The following USH2A variants were observed in gnomAD, a reference collection of about 807,000 sequenced individuals.
USH2A encodes Usher syndrome 2A (autosomal recessive, mild).
In USH2A, 443 loss-of-function variants were observed where a neutral mutation model predicts 538.9. The ratio of observed to expected loss-of-function variants is 0.82; its 90% CI spans 0.76 to 0.89. The LOEUF is 0.89. Among genes scored for constraint, USH2A ranks in the 40% least tolerant of loss-of-function variants. The pLI is 0.00. For synonymous variants in USH2A, 2,413 were observed against 2,273.5 expected, an observed-to-expected ratio of 1.06 and a Z score of -1.75; for missense variants, 6,633 against 6,324.8, an observed-to-expected ratio of 1.05 and a Z score of -1.65.
rs542578587 is a variant in USH2A, at chr1:215,935,156, G to GT, written c.7121-362dup. ...ATGAGTTGTTTATACTTTTTTGAGG[G>GT]TTTTTTTTCCAATAAAAATCCCTGA... On this transcript the variant is annotated intron_variant, in intron 37 of 71. Transcript: ENST00000307340. Among the ~76,000 whole-genome samples the GT allele has an allele frequency of 7.4e-4, 112 of 151,656 alleles. 4 individuals carry two copies. Among genetic ancestry groups the GT allele is most frequent in the Middle Eastern group, 3.4e-3 (1 of 294 alleles).
chr1:216,087,034 CT>C, intron 23 of USH2A: 2 of 513,798 alleles, frequency 3.9e-6, no homozygotes, highest in East Asian at 3.9e-5. Flanking sequence ...TCTCAGGCCT[CT>C]TCCTTTCTCT....
chr1:215,974,178 CG>C (rs2102461208), intron 35 of USH2A, among the ~76,000 whole-genome samples: 1 of 152,064 alleles, frequency 6.6e-6, no homozygotes, highest in South Asian at 2.1e-4. Flanking sequence ...TTTTAATAAG[CG>C]GTAAGTCTAA....
chr1:215,900,599 G>T, intron 39 of USH2A, 156 bp downstream of exon 39: 1 of 1,022,034 alleles, frequency 9.8e-7, no homozygotes, highest in Non-Finnish European at 1.4e-6. Context: ...AGATATTTTT[G>T]CAAAGCAAAT....
intron 60 of USH2A, among the ~76,000 whole-genome samples, chr1:215,736,681 C>G (rs890659218): frequency 2.0e-5 from 3 of 151,670 alleles, no homozygotes; most frequent in African/African-American, 7.3e-5. Flanking sequence ...AAAAATTAGT[C>G]TAAGAATTTA....
At chr1:215,849,428 C>A (rs1382980310) in intron 44 of USH2A, among the ~76,000 whole-genome samples, 1 of 151,998 alleles carries the variant, frequency 6.6e-6, no homozygotes, top group African/African-American at 2.4e-5. Flanking sequence ...ACGTTGAAAG[C>A]AGAAATGAGC....
At chr1:216,041,921 A>T (rs2102520937) in intron 32 of USH2A, among the ~76,000 whole-genome samples, 1 of 152,148 alleles carries the variant, frequency 6.6e-6, no homozygotes, top group South Asian at 2.1e-4. Flanking sequence ...ATAATGTGAC[A>T]AACTATACCA....
chr1:215,693,074 G>GTATA (rs1365843165), intron 61 of USH2A, among the ~76,000 whole-genome samples: 9 of 117,284 alleles, frequency 7.7e-5, no homozygotes, highest in Non-Finnish European at 1.4e-4. Flanking sequence ...ATTTTTGTGT[G>GTATA]TGTATATATA....
rs895254170 is a variant in USH2A, at chr1:216,073,452, C to G, written c.5573-152G>C. On this transcript the variant is annotated intron_variant, in intron 27 of 71. Coordinates refer to ENST00000307340, the MANE Select transcript of USH2A (RefSeq NM_206933.4). ...GTCTTCCTTGGAAAACCTTTTATGC[C>G]TCCTACTTTTTAACAAGCTAATTTG... The G allele has an allele frequency of 3.4e-5, 26 of 771,634 alleles. No individual in the cohort carries two copies. In the African/African-American group the frequency reaches 4.5e-4, roughly 14 times the overall value. The allele number at this position is 771,634 out of a possible 1,614,324, so 47.8% of individuals were successfully genotyped here.
At chr1:215,640,517 A>G (rs1656638867) in intron 68 of USH2A, 41 bp downstream of exon 68, 2 of 1,612,174 alleles carry the variant, frequency 1.2e-6, no homozygotes, top group Non-Finnish European at 1.7e-6. Context: ...GCTGGGGAAC[A>G]GAGCGCCTTC....
chr1:215,879,109 A>G lies in USH2A; in HGVS notation c.8224-11T>C. On this transcript the variant is annotated splice_polypyrimidine_tract_variant and intron_variant, in intron 41 of 71. Coordinates refer to ENST00000307340, the MANE Select transcript of USH2A (RefSeq NM_206933.4). ...GGGTTTCCAAGTGACCTGAAATGAA[A>G]GATAAACTTAGAATCAGTGTGACGA... 2 of 1,605,632 alleles carry G rather than the reference A, an allele frequency of 1.2e-6. No individual in the cohort carries two copies. Among genetic ancestry groups the G allele is most frequent in the South Asian group, 1.1e-5 (1 of 90,938 alleles).
chr1:215,953,234 C>A (rs1666969810), intron 37 of USH2A, among the ~76,000 whole-genome samples: 1 of 151,824 alleles, frequency 6.6e-6, no homozygotes, highest in Non-Finnish European at 1.5e-5. Flanking sequence ...CATATGGAAC[C>A]AAAAAAAGAG....
At chr1:215,919,661 A>G (rs1314185265) in intron 38 of USH2A, among the ~76,000 whole-genome samples, 3 of 152,090 alleles carry the variant, frequency 2.0e-5, no homozygotes, top group Non-Finnish European at 4.4e-5. Context: ...CAAGCAACCT[A>G]TAATTTCATA....
chr1:216,260,120 TA>T (rs1231930138), intron 11 of USH2A, among the ~76,000 whole-genome samples: 1 of 152,094 alleles, frequency 6.6e-6, no homozygotes, highest in South Asian at 2.1e-4. Context: ...ATACTTCAAT[TA>T]AAAAAATAGG....
intron 15 of USH2A, among the ~76,000 whole-genome samples, chr1:216,212,053 A>G (rs2035252870): frequency 6.6e-6 from 1 of 152,206 alleles, no homozygotes; most frequent in Non-Finnish European, 1.5e-5. Context: ...ACTGACCTTC[A>G]GATGATTTTC....
chr1:215,802,741 C>T (rs1662374353), intron 49 of USH2A, among the ~76,000 whole-genome samples: 1 of 152,110 alleles, frequency 6.6e-6, no homozygotes, highest in South Asian at 2.1e-4. Context: ...TATGATCCAG[C>T]AATTCCACTT....
intron 4 of USH2A, among the ~76,000 whole-genome samples, chr1:216,358,954 G>A (rs998343161): frequency 3.9e-5 from 6 of 152,048 alleles, no homozygotes; most frequent in African/African-American, 1.2e-4. Flanking sequence ...AATTTATGGC[G>A]CTATCAAATA....
intron 35 of USH2A, among the ~76,000 whole-genome samples, chr1:215,984,060 C>T (rs1385300253): frequency 6.6e-6 from 1 of 152,170 alleles, no homozygotes; most frequent in Admixed American, 6.6e-5. Context: ...TCATCTTTTG[C>T]CGTTGCTGCC....
chr1:215,806,653 AC>A (rs1192860141), intron 49 of USH2A, among the ~76,000 whole-genome samples: 1 of 151,778 alleles, frequency 6.6e-6, no homozygotes, highest in African/African-American at 2.4e-5. Context: ...TTGGCATAAC[AC>A]CCCATTATCC....
intron 32 of USH2A, among the ~76,000 whole-genome samples, chr1:216,003,224 A>G (rs914735910): frequency 1.3e-5 from 2 of 152,108 alleles, no homozygotes; most frequent in Non-Finnish European, 2.9e-5. Flanking sequence ...TTGAAATAGA[A>G]ATAGTTTAGT....
Sources: allele counts gnomAD v4.1 joint callset (sites outside exome capture counted in the v4.1 genomes callset), GRCh38; gene constraint gnomAD v4.1.1; transcripts MANE v1.5; gene names NCBI Gene and HGNC (gene_info 2026-07-23, HGNC 2026-07-21).